The following XPO4 variants were observed in gnomAD, a reference collection of about 807,000 sequenced individuals.
The protein encoded by XPO4 is exportin-4.
Under a neutral mutation model 143.0 loss-of-function variants are expected in XPO4, and 39 were observed. That is an observed-to-expected ratio of 0.27 (90% confidence interval 0.21 to 0.36). XPO4 has a LOEUF of 0.36. XPO4 is among the 10% of genes least tolerant of loss of function. The pLI, the probability that XPO4 is intolerant of heterozygous loss-of-function variation, is 1.00. For missense variants in XPO4, 907 were observed against 1,348.0 expected (o/e 0.67, Z 5.12); for synonymous variants, 439 against 474.0 (o/e 0.93, Z 0.96).
chr13:20,841,518 T>C (rs1230281325), intron 6 of XPO4, among the ~76,000 whole-genome samples: 1 of 152,130 alleles, frequency 6.6e-6, no homozygotes, highest in Non-Finnish European at 1.5e-5. Flanking sequence ...GGGAGAAAGA[T>C]GATTACAGAA....
At chr13:20,814,968 T>C (rs2059630687) in intron 9 of XPO4, among the ~76,000 whole-genome samples, 1 of 152,218 alleles carries the variant, frequency 6.6e-6, no homozygotes, top group South Asian at 2.1e-4. Flanking sequence ...GTGGTTACTT[T>C]TATTTATGAA....
chr13:20,891,246 G>A (rs985847842), intron 1 of XPO4, among the ~76,000 whole-genome samples: 10 of 150,762 alleles, frequency 6.6e-5, no homozygotes, highest in Admixed American at 2.0e-4. Flanking sequence ...AGCTCAAGAC[G>A]AATGTGGTAA....
chr13:20,847,369 GGTTGTAATGAA>G (rs2060038503), intron 4 of XPO4, among the ~76,000 whole-genome samples: 1 of 152,046 alleles, frequency 6.6e-6, no homozygotes, highest in Admixed American at 6.6e-5. Flanking sequence ...TCACATTGTG[GGTTGTAATGAA>G]GATAGCTAGG....
rs1042035688 is a variant in XPO4, at chr13:20,850,233, T to C, written c.456+5394A>G. On this transcript the variant is annotated intron_variant, in intron 4 of 22. Coordinates refer to ENST00000255305, the MANE Select transcript of XPO4 (RefSeq NM_022459.5). ...TTATAGTTCACTTCCCGAGATTCTA[T>C]GAAGAAAGCAGTGAGAGACTACTAG... 1.4e-5 allele frequency: 14 copies of C among 984,942 alleles called. No individual in the cohort carries two copies. In the African/African-American group the frequency reaches 2.1e-4, roughly 15 times the overall value. The allele number at this position is 984,942 out of a possible 1,614,324, so 61.0% of individuals were successfully genotyped here. A position where few individuals can be genotyped will look rare whatever the true frequency, so the allele number is the denominator to read the frequency against.
intron 4 of XPO4, chr13:20,851,478 G>A: frequency 1.0e-6 from 1 of 965,794 alleles, no homozygotes; most frequent in Non-Finnish European, 1.2e-6. Context: ...GGAGGCCAAG[G>A]TGGGCAGATT....
At chr13:20,902,152 G>A (rs2060626869) in intron 1 of XPO4, 6 of 985,320 alleles carry the variant, frequency 6.1e-6, no homozygotes, top group Non-Finnish European at 7.2e-6. Context: ...GCCCTTCCAC[G>A]TGCTGCCGGC....
intron 1 of XPO4, among the ~76,000 whole-genome samples, chr13:20,893,029 C>T (rs550682398): frequency 1.3e-5 from 2 of 152,098 alleles, no homozygotes; most frequent in South Asian, 4.2e-4. Flanking sequence ...AAAAGCATTC[C>T]AGACAGAAGG....
chr13:20,869,394 C>T (rs4770078), intron 1 of XPO4: 344,879 of 420,754 alleles, frequency 0.82, 141,617 homozygotes, highest in East Asian at 1. Context: ...CTACCTAAAA[C>T]GTACATTCCT....
chr13:20,861,838 T>C (rs950327191), intron 3 of XPO4, among the ~76,000 whole-genome samples: 1 of 133,088 alleles, frequency 7.5e-6, no homozygotes, highest in Non-Finnish European at 1.5e-5. Context: ...CAGGCTGGAG[T>C]GCAGTGATGC....
intron 1 of XPO4, among the ~76,000 whole-genome samples, chr13:20,892,903 T>C (rs1390889256): frequency 7.1e-6 from 1 of 140,318 alleles, no homozygotes; most frequent in East Asian, 2.0e-4. Flanking sequence ...AAAAAAAAAA[T>C]AAAAGAACTA....
intron 2 of XPO4, among the ~76,000 whole-genome samples, chr13:20,864,447 A>C (rs2060227411): frequency 6.6e-6 from 1 of 152,164 alleles, no homozygotes; most frequent in South Asian, 2.1e-4. Context: ...AGCAAAATCT[A>C]AGGTACTCTA....
intron 16 of XPO4, among the ~76,000 whole-genome samples, chr13:20,798,401 A>T (rs2059386067): frequency 1.3e-5 from 2 of 152,294 alleles, no homozygotes; most frequent in South Asian, 4.1e-4. Context: ...AATCCCATGG[A>T]CACCTTATAG....
At position 20,790,541 on chromosome 13, in the gene XPO4, T is replaced by C. The variant is rs1341591929; in HGVS notation, c.2837A>G (p.Asn946Ser). ...AACATCCGCTGCTGACACAGATCTGTTTGCTGCTTGACCTGGCTCATGTCC... is the reference window on the plus strand; with the variant it reads ...AACATCCGCTGCTGACACAGATCTGCTTGCTGCTTGACCTGGCTCATGTCC... ...FRGHEPGQAA[N>S]RSVSAADVVL... Residue 946 changes from asparagine (N) to serine (S), a missense_variant, in exon 19 of 23, where the codon AAC (asparagine) becomes AGC (serine). Asn to Ser is a conservative substitution (Grantham distance 46). Coordinates refer to ENST00000255305, the MANE Select transcript of XPO4 (RefSeq NM_022459.5). 2.5e-6 allele frequency: 4 copies of C among 1,614,040 alleles called. No homozygotes were observed. The highest frequency in any genetic ancestry group is 1.6e-4 in the Middle Eastern group (1 of 6,084).
intron 20 of XPO4, among the ~76,000 whole-genome samples, chr13:20,788,141 C>A (rs564403366): frequency 2.6e-5 from 4 of 151,462 alleles, no homozygotes; most frequent in African/African-American, 9.7e-5. Context: ...CTGCCACCTC[C>A]GCCTCCCGGG....
At chr13:20,789,009 A>T (rs1388311148) in intron 19 of XPO4, among the ~76,000 whole-genome samples, 1 of 152,246 alleles carries the variant, frequency 6.6e-6, no homozygotes, top group African/African-American at 2.4e-5. Context: ...CAAGAAGGTT[A>T]ATACAAATTG....
At chr13:20,823,693 C>G (rs1410177038) in intron 7 of XPO4, among the ~76,000 whole-genome samples, 1 of 151,912 alleles carries the variant, frequency 6.6e-6, no homozygotes, top group East Asian at 1.9e-4. Context: ...CTCTTGTTGC[C>G]CAGGCTGGAG....
intron 1 of XPO4, among the ~76,000 whole-genome samples, chr13:20,893,125 A>G (rs1187893181): frequency 1.3e-5 from 2 of 152,192 alleles, no homozygotes; most frequent in Non-Finnish European, 2.9e-5. Flanking sequence ...TGAAGAGAAA[A>G]AGCGACTGGA....
chr13:20,809,246 A>G (rs1435845325), intron 10 of XPO4, 21 bp from the exon 11 acceptor site: 1 of 1,610,442 alleles, frequency 6.2e-7, no homozygotes, highest in Admixed American at 1.7e-5. Flanking sequence ...TAAAAGAAAT[A>G]AACAATGAGG....
chr13:20,796,652 A>G, intron 17 of XPO4, 112 bp downstream of exon 17: 1 of 856,210 alleles, frequency 1.2e-6, no homozygotes. Context: ...CTTTTGAAGG[A>G]ATAAAAATAT....
Sources: allele counts gnomAD v4.1 joint callset (sites outside exome capture counted in the v4.1 genomes callset), GRCh38; gene constraint gnomAD v4.1.1; transcripts MANE v1.5; gene names NCBI Gene and HGNC (gene_info 2026-07-23, HGNC 2026-07-21).